The following MED26 variants were observed in gnomAD, a reference collection of about 807,000 sequenced individuals.
MED26 encodes the protein mediator of RNA polymerase II transcription subunit 26.
MED26 carries 7 observed loss-of-function variants against 43.7 expected under a neutral mutation model. That is an observed-to-expected ratio of 0.16 (90% CI 0.09 to 0.30). MED26 has a LOEUF of 0.30. Among genes scored for constraint, MED26 ranks in the 10% least tolerant of loss-of-function variants. The probability of loss-of-function intolerance (pLI) is 1.00; values close to 1 mark genes in which losing one functional copy is unlikely to be tolerated. For synonymous variants in MED26, 375 were observed against 371.1 expected (o/e 1.01, Z -0.12); for missense variants, 784 against 840.6 (o/e 0.93, Z 0.83).
chr19:16,611,580 C>T (rs1414465196), intron 1 of MED26: 7 of 152,092 alleles, frequency 4.6e-5, no homozygotes, highest in African/African-American at 1.7e-4. Context: ...GGAAAACAAA[C>T]CAACCCATTC....
At chr19:16,600,207 C>G (rs2086142161) in intron 1 of MED26, among the ~76,000 whole-genome samples, 1 of 151,980 alleles carries the variant, frequency 6.6e-6, no homozygotes, top group African/African-American at 2.4e-5. Flanking sequence ...CAGCCCCCTC[C>G]TGCTCCGCAC....
chr19:16,619,809 A>G (rs1336728802), intron 1 of MED26, among the ~76,000 whole-genome samples: 1 of 152,234 alleles, frequency 6.6e-6, no homozygotes, highest in Non-Finnish European at 1.5e-5. Context: ...GAGTCTCCAC[A>G]GCAGCCACGA....
In MED26 at chr19:16,609,335, A is replaced by AG. The variant is rs1229029174; in HGVS notation, c.72+18536_72+18537insC. 4.4e-4 allele frequency among the ~76,000 whole-genome samples: 66 copies of AG among 150,702 alleles called. 4 individuals carry two copies. The Middle Eastern group carries it at 0.01, about 24-fold the overall frequency. On this transcript the variant is annotated intron_variant, in intron 1 of 2. Transcript: ENST00000263390. ...TCAAAAAAAAAAAAAAAAAAAAAAAAAAGAGAGAGAATAAGATATTAACCA... is the reference window on the plus strand; with the variant it reads ...TCAAAAAAAAAAAAAAAAAAAAAAAAGAAGAGAGAGAATAAGATATTAACCA...
intron 1 of MED26, among the ~76,000 whole-genome samples, chr19:16,616,776 C>T (rs1020457663): frequency 6.6e-6 from 1 of 152,080 alleles, no homozygotes; most frequent in Non-Finnish European, 1.5e-5. Context: ...AGCCAAAACG[C>T]TTAGGGGGAG....
At chr19:16,621,832 C>T (rs1224471649) in intron 1 of MED26, among the ~76,000 whole-genome samples, 2 of 152,108 alleles carry the variant, frequency 1.3e-5, no homozygotes, top group South Asian at 2.1e-4. Context: ...AGGCTTGCCT[C>T]CAAAAGCCAC....
intron 1 of MED26, among the ~76,000 whole-genome samples, chr19:16,605,303 T>A (rs910543731): frequency 2.6e-5 from 4 of 152,122 alleles, no homozygotes; most frequent in Non-Finnish European, 4.4e-5. Flanking sequence ...GGAGGTAGAA[T>A]CAGAAAGACA....
At chr19:16,606,122 G>C (rs1176299025) in intron 1 of MED26, among the ~76,000 whole-genome samples, 2 of 152,144 alleles carry the variant, frequency 1.3e-5, no homozygotes, top group African/African-American at 4.8e-5. Flanking sequence ...GAATCCACAC[G>C]CCTGGGCCCA....
chr19:16,627,864 G>GT lies in MED26; in HGVS notation c.72+7dup. 4 of 1,489,150 alleles carry GT rather than the reference G, an allele frequency of 2.7e-6. No individual in the cohort carries two copies. Among genetic ancestry groups the GT allele is most frequent in the Non-Finnish European group, 3.6e-6 (4 of 1,114,434 alleles). The allele number at this position is 1,489,150 out of a possible 1,614,324, so 92.2% of individuals were successfully genotyped here. A position where few individuals can be genotyped will look rare whatever the true frequency, so the allele number is the denominator to read the frequency against. On this transcript the variant is annotated splice_region_variant and intron_variant, in intron 1 of 2. Transcript: ENST00000263390. ...GCCTCCGTCCCAGCTCGCGCGGCGG[G>GT]TACTTACGTTGCTCTGGGGGTCGAT...
intron 1 of MED26, among the ~76,000 whole-genome samples, chr19:16,584,469 C>T (rs1483724929): frequency 6.6e-6 from 1 of 152,166 alleles, no homozygotes; most frequent in Non-Finnish European, 1.5e-5. Context: ...AGGAAGGAGG[C>T]GGGGCTGGAC....
Position 16,584,784 on chromosome 19 carries a change from C to T in MED26, c.73-6375G>A, listed in dbSNP as rs182912623. 2.0e-5 allele frequency among the ~76,000 whole-genome samples: 3 copies of T among 152,326 alleles called. No homozygotes were observed. In the East Asian group the frequency reaches 5.8e-4, roughly 29 times the overall value. On this transcript the variant is annotated intron_variant, in intron 1 of 2. Transcript: ENST00000263390. ...TCACATGGCTGTAAGCAGCTATCTA[C>T]TGAAGCAGGATGGTTACCTTTCTCT...
chr19:16,616,781 G>C (rs938579670), intron 1 of MED26, among the ~76,000 whole-genome samples: 3 of 152,164 alleles, frequency 2.0e-5, no homozygotes, highest in African/African-American at 4.8e-5. Context: ...AAACGCTTAG[G>C]GGGAGCAGGC....
At chr19:16,611,050 A>T (rs1417626124) in intron 1 of MED26, 1 of 152,304 alleles carries the variant, frequency 6.6e-6, no homozygotes, top group Non-Finnish European at 1.5e-5. Flanking sequence ...GAAGGATGTG[A>T]AGTGACAGTG....
chr19:16,622,536 C>T (rs1010218163), intron 1 of MED26, among the ~76,000 whole-genome samples: 2 of 152,220 alleles, frequency 1.3e-5, no homozygotes, highest in Non-Finnish European at 2.9e-5. Flanking sequence ...CAGGGAATCC[C>T]GATGGCAAAT....
In MED26 at chr19:16,575,769, A is replaced by AACTC; in HGVS notation, c.*254_*257dup. ...ATAGCTGGTTTGCTATAGAGTTCTG[A>AACTC]ACTCACTTTGCCGTCCTTCCTTCCA... On this transcript the variant is annotated 3_prime_UTR_variant, in exon 3 of 3. Transcript: ENST00000263390. 1 of 517,674 alleles carries AACTC rather than the reference A, an allele frequency of 1.9e-6. No individual in the cohort carries two copies. The highest frequency in any genetic ancestry group is 3.5e-6 in the Non-Finnish European group (1 of 285,630). The allele number at this position is 517,674 out of a possible 1,614,324, so 32.1% of individuals were successfully genotyped here.
chr19:16,580,452 T>C (rs2086039220), intron 1 of MED26, among the ~76,000 whole-genome samples: 1 of 151,860 alleles, frequency 6.6e-6, no homozygotes, highest in Non-Finnish European at 1.5e-5. Flanking sequence ...CACTGCAACC[T>C]CCGTCTCCTG....
intron 1 of MED26, among the ~76,000 whole-genome samples, chr19:16,594,743 C>T (rs1048227184): frequency 6.6e-6 from 1 of 152,104 alleles, no homozygotes; most frequent in Admixed American, 6.6e-5. Context: ...TGGTTTCCCC[C>T]ACCTTCATCT....
intron 1 of MED26, among the ~76,000 whole-genome samples, chr19:16,600,997 G>A (rs2086145946): frequency 6.6e-6 from 1 of 151,998 alleles, no homozygotes; most frequent in African/African-American, 2.4e-5. Context: ...GGGAGGCTGA[G>A]GCACGAAAAT....
chr19:16,587,864 G>C lies in MED26; in HGVS notation c.73-9455C>G, dbSNP rs1341173907. 6.6e-6 allele frequency: 1 copy of C among 152,268 alleles called. No individual in the cohort carries two copies. The highest frequency in any genetic ancestry group is 2.4e-5 in the African/African-American group (1 of 41,460). The allele number at this position is 152,268 out of a possible 1,614,324, so 9.4% of individuals were successfully genotyped here. On this transcript the variant is annotated intron_variant, in intron 1 of 2. Transcript: ENST00000263390. This position sits in a 1 kb window ranked among gnomAD's most constrained non-coding sequence, Gnocchi z 4.9. ...GAGCAACTCAGAAAGAGGAAGCCCA[G>C]GGCTTGGGGCAGAAGTAGGAGCTCC... is the stretch of plus-strand genomic sequence containing the variant.
In MED26 at chr19:16,579,032, C is replaced by T. The variant is rs187019705; in HGVS notation, c.73-623G>A. 4.3e-4 allele frequency among the ~76,000 whole-genome samples: 66 copies of T among 152,186 alleles called. 1 individual carries two copies. Among genetic ancestry groups the T allele is most frequent in the Admixed American group, 6.5e-4 (10 of 15,284 alleles). ...ACGAGAACCACTTGAACCCGGGAGG[C>T]GGAGGGTGTAGTGAGCTGAGACCAC... is the stretch of plus-strand genomic sequence containing the variant. On this transcript the variant is annotated intron_variant, in intron 1 of 2. Coordinates refer to ENST00000263390, the MANE Select transcript of MED26 (RefSeq NM_004831.5).
Sources: allele counts gnomAD v4.1 joint callset (sites outside exome capture counted in the v4.1 genomes callset), GRCh38; gene constraint gnomAD v4.1.1; non-coding constraint Gnocchi (gnomAD v3.1); transcripts MANE v1.5; gene names NCBI Gene and HGNC (gene_info 2026-07-23, HGNC 2026-07-21).